GABRA3: variants seen among roughly 807,000 people sequenced by gnomAD.
GABRA3 encodes gamma-aminobutyric acid type A receptor subunit alpha3, also known as gamma-aminobutyric acid receptor subunit alpha-3.
In GABRA3, 10 loss-of-function variants were observed where a neutral mutation model predicts 30.1. The ratio of observed to expected loss-of-function variants is 0.33; its 90% CI spans 0.20 to 0.56. GABRA3 has a LOEUF of 0.56. Ranked by LOEUF, GABRA3 falls within the 20% of genes least tolerant of loss-of-function variation. The pLI is 0.89. For synonymous variants in GABRA3, 151 were observed against 146.8 expected (o/e 1.03, Z -0.21); for missense variants, 233 against 392.0 (o/e 0.59, Z 3.42).
In GABRA3 at chrX:152,231,147, A is replaced by ATACACACATATATG. The variant is rs1315134578; in HGVS notation, c.552-6303_552-6302insCATATATGTGTGTA. ...TAATACAAAAATGAGAAGTGTATAT[A>ATACACACATATATG]TATATATACACACATATATGTATAT... On this transcript the variant is annotated intron_variant, in intron 5 of 9. Transcript: ENST00000370314. Among the ~76,000 whole-genome samples the ATACACACATATATG allele has an allele frequency of 7.6e-5, 8 of 104,947 alleles. No individual in the cohort carries two copies. In the East Asian group the frequency reaches 1.2e-3, roughly 15 times the overall value. 91.1% of individuals were successfully genotyped at this position (104,947 alleles called of 115,157 possible).
intron 1 of GABRA3, among the ~76,000 whole-genome samples, chrX:152,437,799 T>C (rs1205718303): frequency 8.9e-6 from 1 of 112,098 alleles, no homozygotes; most frequent in Non-Finnish European, 1.9e-5. Context: ...CTGGAATAAC[T>C]GGTCATCCAC....
At chrX:152,399,743 T>C (rs1383280012) in intron 1 of GABRA3, among the ~76,000 whole-genome samples, 2 of 111,915 alleles carry the variant, frequency 1.8e-5, no homozygotes, top group Non-Finnish European at 3.8e-5. Context: ...TAAACTAGAA[T>C]CAAGATTGGA....
intron 3 of GABRA3, among the ~76,000 whole-genome samples, chrX:152,321,349 T>C (rs986513454): frequency 5.4e-5 from 6 of 111,820 alleles, no homozygotes; most frequent in Admixed American, 3.8e-4. Flanking sequence ...AATCAGTGCT[T>C]TTTATTACGG....
intron 1 of GABRA3, among the ~76,000 whole-genome samples, chrX:152,388,826 T>C (rs1225753067): frequency 8.9e-6 from 1 of 112,321 alleles, no homozygotes. Context: ...CATGAACAGC[T>C]ATCACTTAAG....
chrX:152,295,760 A>G (rs780987585), intron 3 of GABRA3, among the ~76,000 whole-genome samples: 2 of 112,313 alleles, frequency 1.8e-5, no homozygotes, highest in Non-Finnish European at 3.8e-5. Context: ...GAAATGCGGA[A>G]ATCACCCATC....
chrX:152,420,456 T>A lies in GABRA3; in HGVS notation c.-27+30690A>T, dbSNP rs1268984952. 3.6e-5 allele frequency among the ~76,000 whole-genome samples: 4 copies of A among 111,220 alleles called. No homozygotes were observed. The East Asian group carries it at 8.5e-4, about 24-fold the overall frequency. On this transcript the variant is annotated intron_variant, in intron 1 of 9. Coordinates refer to ENST00000370314, the MANE Select transcript of GABRA3 (RefSeq NM_000808.4). ...TTATATTTTAAATACCACAAAAAAA[T>A]TTAGAAAGTGATTTTTTTTACAAAG...
At chrX:152,419,057 C>T (rs1033460853) in intron 1 of GABRA3, among the ~76,000 whole-genome samples, 16 of 110,502 alleles carry the variant, frequency 1.4e-4, no homozygotes, top group African/African-American at 1.6e-4. Flanking sequence ...AACCAAACAC[C>T]GCATGCTCTC....
intron 1 of GABRA3, among the ~76,000 whole-genome samples, chrX:152,369,785 T>A (rs1162221217): frequency 9.1e-6 from 1 of 110,151 alleles, no homozygotes; most frequent in Non-Finnish European, 1.9e-5. Context: ...TCAATGGGGA[T>A]GAGGATTTTG....
intron 6 of GABRA3, among the ~76,000 whole-genome samples, chrX:152,209,495 G>A (rs1188896779): frequency 9.0e-6 from 1 of 111,066 alleles, no homozygotes; most frequent in Admixed American, 9.6e-5. Flanking sequence ...GGGGAAGAGG[G>A]GTTCCTCCAG....
intron 3 of GABRA3, among the ~76,000 whole-genome samples, chrX:152,294,334 CT>C (rs1232272514): frequency 1.8e-5 from 2 of 111,091 alleles, no homozygotes; most frequent in Non-Finnish European, 3.8e-5. Flanking sequence ...TCTTTGTACT[CT>C]TTTTTCTCTA....
intron 1 of GABRA3, among the ~76,000 whole-genome samples, chrX:152,444,741 T>G (rs1225554820): frequency 7.4e-5 from 6 of 80,668 alleles, no homozygotes; most frequent in South Asian, 6.7e-4. Context: ...TGTGTTTTTT[T>G]TTTTTTGTTT....
intron 1 of GABRA3, among the ~76,000 whole-genome samples, chrX:152,420,545 C>A (rs1279436822): frequency 9.0e-6 from 1 of 110,952 alleles, no homozygotes; most frequent in African/African-American, 3.3e-5. Flanking sequence ...ACAGATATAT[C>A]ATGTTCCCAA....
intron 3 of GABRA3, among the ~76,000 whole-genome samples, chrX:152,340,018 A>G (rs1326732394): frequency 8.9e-6 from 1 of 112,021 alleles, no homozygotes; most frequent in Non-Finnish European, 1.9e-5. Context: ...ATTTATATTT[A>G]ATGAGATTAT....
chrX:152,256,985 C>T (rs941072085), intron 4 of GABRA3, among the ~76,000 whole-genome samples: 2 of 111,200 alleles, frequency 1.8e-5, no homozygotes, highest in African/African-American at 6.5e-5. Flanking sequence ...AAGAGAATCC[C>T]AGAAGGGATG....
At chrX:152,225,736 C>A (rs1202456211) in intron 5 of GABRA3, among the ~76,000 whole-genome samples, 1 of 108,586 alleles carries the variant, frequency 9.2e-6, no homozygotes, top group African/African-American at 3.4e-5. Context: ...TAGTAGCCTC[C>A]TATGTAGAAA....
In GABRA3 at chrX:152,268,750, T is replaced by C. The variant is rs1457660752; in HGVS notation, c.331-12752A>G. Among the ~76,000 whole-genome samples, 5 of 111,191 alleles carry C rather than the reference T, an allele frequency of 4.5e-5. No homozygotes were observed. The Admixed American group carries it at 4.8e-4, about 11-fold the overall frequency. On this transcript the variant is annotated intron_variant, in intron 4 of 9. Transcript: ENST00000370314. ...ACCTGGCTAATTTTTGTACTTTTTG[T>C]GTAGAGATGAGGTTTTGTGATGTTG...
At chrX:152,448,202 C>G in intron 1 of GABRA3, among the ~76,000 whole-genome samples, 1 of 112,034 alleles carries the variant, frequency 8.9e-6, no homozygotes, top group Admixed American at 9.5e-5. Flanking sequence ...GTCAGTGGAA[C>G]AGCAGTTTCA....
intron 1 of GABRA3, among the ~76,000 whole-genome samples, chrX:152,377,985 A>G (rs1929040456): frequency 8.9e-6 from 1 of 112,305 alleles, no homozygotes; most frequent in African/African-American, 3.2e-5. Context: ...GTTTTAAACC[A>G]CAAGCAGGCC....
rs199850641 is a variant in GABRA3, at chrX:152,190,504, AT to A, written c.932-564del. Among the ~76,000 whole-genome samples the A allele has an allele frequency of 3.7e-5, 4 of 107,226 alleles. No homozygotes were observed. The East Asian group carries it at 8.9e-4, about 24-fold the overall frequency. 93.1% of individuals were successfully genotyped at this position (107,226 alleles called of 115,157 possible). On this transcript the variant is annotated intron_variant, in intron 8 of 9. Transcript: ENST00000370314. The stretch of plus-strand genomic sequence containing the variant: ...TCTTGTTTACTTCCTTCCCTAACCT[AT>A]TTTTTTTTCTTTTTTCTTTTTTTTT...
Sources: allele counts gnomAD v4.1 joint callset (sites outside exome capture counted in the v4.1 genomes callset), GRCh38; gene constraint gnomAD v4.1.1; transcripts MANE v1.5; gene names NCBI Gene and HGNC (gene_info 2026-07-23, HGNC 2026-07-21).